Variants in PFKP observed in about 807,000 individuals in gnomAD.
PFKP encodes the protein ATP-dependent 6-phosphofructokinase, platelet type.
A neutral mutation model predicts 94.3 loss-of-function variants in PFKP; 101 were observed. That is an observed-to-expected ratio of 1.07 (90% CI 0.91 to 1.26). The LOEUF is 1.26. Ranked by LOEUF, PFKP falls within the 50% of genes most tolerant of loss-of-function variation. The pLI is 0.00. For missense variants in PFKP, 1,145 were observed against 1,103.3 expected (o/e 1.04, Z -0.53); for synonymous variants, 573 against 432.6 (o/e 1.32, Z -4.03).
At chr10:3,112,674 C>T (rs1836367482) in intron 11 of PFKP, among the ~76,000 whole-genome samples, 1 of 152,216 alleles carries the variant, frequency 6.6e-6, no homozygotes, top group Non-Finnish European at 1.5e-5. Flanking sequence ...TCTCATGTCT[C>T]AGCCTCCCAA....
chr10:3,091,621 C>T (rs144515870), intron 2 of PFKP, among the ~76,000 whole-genome samples: 107 of 152,160 alleles, frequency 7.0e-4, no homozygotes, highest in East Asian at 4.6e-3. Flanking sequence ...TAAAGACCAG[C>T]GCGGCCAACA....
chr10:3,105,645 T>C, intron 7 of PFKP, 144 bp downstream of exon 7: 1 of 655,020 alleles, frequency 1.5e-6, no homozygotes, highest in South Asian at 1.8e-5. Context: ...CTCTATGGAC[T>C]GTGAGCGTGG....
intron 2 of PFKP, among the ~76,000 whole-genome samples, chr10:3,084,483 C>T (rs1048838401): frequency 2.0e-5 from 3 of 152,094 alleles, no homozygotes; most frequent in African/African-American, 4.8e-5. Flanking sequence ...AAACTGGTTA[C>T]GTGGTTATTG....
intron 2 of PFKP, among the ~76,000 whole-genome samples, chr10:3,087,976 CTTTCA>C (rs1386394287): frequency 2.0e-5 from 2 of 97,988 alleles, no homozygotes; most frequent in Non-Finnish European, 3.9e-5. Flanking sequence ...AATCCTGTAT[CTTTCA>C]TTCTTTTTTT....
At chr10:3,126,244 G>A (rs1168255765) in intron 16 of PFKP, among the ~76,000 whole-genome samples, 3 of 152,190 alleles carry the variant, frequency 2.0e-5, no homozygotes, top group East Asian at 1.9e-4. Flanking sequence ...CTGTGAGTCC[G>A]AGCCTCAGCC....
At chr10:3,102,221 A>C (rs1455330279) in intron 4 of PFKP, among the ~76,000 whole-genome samples, 3 of 120,448 alleles carry the variant, frequency 2.5e-5, no homozygotes, top group African/African-American at 9.5e-5. Flanking sequence ...ACTGCACTCC[A>C]GCCTGGGCGA....
In PFKP at chr10:3,109,440, AC is replaced by A. The variant is rs1180097572; in HGVS notation, c.1051del (p.His351ThrfsTer7). 3 of 1,607,698 alleles carry A rather than the reference AC, an allele frequency of 1.9e-6. No homozygotes were observed. In the Admixed American group the frequency reaches 5.0e-5, roughly 27 times the overall value. On this transcript the variant is annotated frameshift_variant, in exon 10 of 22. Coordinates refer to ENST00000381125, the MANE Select transcript of PFKP (RefSeq NM_002627.5). LOFTEE classifies it high-confidence loss of function. Reference protein sequence around the residue: ...TPACVVSLNGNHAVRLPLMEC... With the variant: ...TPACVVSLNGXHAVRLPLMEC... ...GCTTGCGTCGTGTCACTGAACGGGA[AC>A]CACGCCGTGCGCCTGCCGCTGATGG...
chr10:3,129,800 ATCGCT>A lies in PFKP; in HGVS notation c.1684-16_1684-12del, dbSNP rs778941008. The A allele has an allele frequency of 3.7e-6, 6 of 1,612,488 alleles. No homozygotes were observed. Among genetic ancestry groups the A allele is most frequent in the East Asian group, 4.5e-5 (2 of 44,834 alleles). ...CCCCGGGCCTGGGCTGGAGTGACTG[ATCGCT>A]TCTCTGTGACCAGACCTGCGACCGC... On this transcript the variant is annotated splice_polypyrimidine_tract_variant and intron_variant, in intron 16 of 21. Coordinates refer to ENST00000381125, the MANE Select transcript of PFKP (RefSeq NM_002627.5).
rs1012656456 is a variant in PFKP at position 3,103,955 on chromosome 10, C to G, written c.620+11C>G. The G allele has an allele frequency of 1.2e-6, 2 of 1,612,238 alleles. No individual in the cohort carries two copies. Among genetic ancestry groups the G allele is most frequent in the Middle Eastern group, 1.7e-4 (1 of 6,060 alleles). On this transcript the variant is annotated intron_variant, in intron 5 of 21. Coordinates refer to ENST00000381125, the MANE Select transcript of PFKP (RefSeq NM_002627.5). ...GACCACGGCCCAGAGGTAAAGCGCTCAGAGGAACCGGCGGGAGGCCAGTGG... is the reference window on the plus strand; with the variant it reads ...GACCACGGCCCAGAGGTAAAGCGCTGAGAGGAACCGGCGGGAGGCCAGTGG...
chr10:3,105,428 C>A lies in PFKP; in HGVS notation c.701C>A (p.Ala234Glu), dbSNP rs1322345149. The part of the protein sequence containing the change: ...LALVSALACG[A>E]DWVFLPESPP... ...CTGGTGAGTGCCTTGGCCTGCGGTG[C>A]GGACTGGGTGTTCCTTCCAGAATCT... is the stretch of plus-strand genomic sequence containing the variant. The change falls in exon 7 of 22, where the codon GCG becomes GAG. Residue 234 changes from alanine (A) to glutamate (E), a missense_variant. Ala to Glu is a moderately radical substitution (Grantham distance 107). Transcript: ENST00000381125. 9 of 1,613,696 alleles carry A rather than the reference C, an allele frequency of 5.6e-6. No homozygotes were observed. In the Admixed American group the frequency reaches 6.7e-5, roughly 12 times the overall value.
chr10:3,094,452 A>G (rs1174557509), intron 2 of PFKP, among the ~76,000 whole-genome samples: 1 of 152,240 alleles, frequency 6.6e-6, no homozygotes, highest in Non-Finnish European at 1.5e-5. Flanking sequence ...AGGCTGCTCT[A>G]TAGAAATTTT....
intron 1 of PFKP, among the ~76,000 whole-genome samples, chr10:3,072,150 G>A (rs1457772524): frequency 6.6e-6 from 1 of 152,258 alleles, no homozygotes; most frequent in African/African-American, 2.4e-5. Context: ...CGTCCATGAA[G>A]TCCTTTAGAG....
At chr10:3,133,995 C>G (rs1400423901) in intron 19 of PFKP, among the ~76,000 whole-genome samples, 1 of 152,218 alleles carries the variant, frequency 6.6e-6, no homozygotes, top group African/African-American at 2.4e-5. Context: ...CACACAGGCA[C>G]ACACGTGTTA....
rs1298714372 is a variant in PFKP at position 3,103,900 on chromosome 10, C to T, written c.576C>T (p.His192=). The T allele has an allele frequency of 6.2e-7, 1 of 1,613,944 alleles. No homozygotes were observed. Among genetic ancestry groups the T allele is most frequent in the Non-Finnish European group, 8.5e-7 (1 of 1,180,038 alleles). The change falls in exon 5 of 22, where the codon CAC becomes CAT. Residue 192 remains histidine (H), a synonymous_variant. Transcript: ENST00000381125. ...DMTIGTDSAL[H]RIIEVVDAIM... ...CCATCGGCACGGACTCCGCCCTGCACAGGATCATCGAGGTCGTCGACGCCA... is the reference window on the plus strand; with the variant it reads ...CCATCGGCACGGACTCCGCCCTGCATAGGATCATCGAGGTCGTCGACGCCA...
At position 3,101,352 on chromosome 10, in the gene PFKP, G is replaced by T. The variant is rs760643538; in HGVS notation, c.265-13G>T. 4 of 1,567,288 alleles carry T rather than the reference G, an allele frequency of 2.6e-6. No individual in the cohort carries two copies. The highest frequency in any genetic ancestry group is 3.5e-6 in the Non-Finnish European group (4 of 1,155,690). ...AGACTGAGAGGAGATAAATTAGCTG[G>T]TGTCTTTCCCAGGGCGGGACGATCA... is the stretch of plus-strand genomic sequence containing the variant. On this transcript the variant is annotated splice_polypyrimidine_tract_variant and intron_variant, in intron 3 of 21. Transcript: ENST00000381125.
chr10:3,081,618 C>A (rs1394451413), intron 1 of PFKP, among the ~76,000 whole-genome samples: 1 of 152,228 alleles, frequency 6.6e-6, no homozygotes, highest in African/African-American at 2.4e-5. Context: ...GCAAGACAGA[C>A]CCTCCAGGCC....
At chr10:3,134,418 ATTTC>A in intron 19 of PFKP, 61 bp from the exon 20 acceptor site, 1 of 974,382 alleles carries the variant, frequency 1.0e-6, no homozygotes. Flanking sequence ...AGAAATTGTC[ATTTC>A]TATTTAACAG....
intron 10 of PFKP, 95 bp from the exon 11 acceptor site, chr10:3,112,127 G>A: frequency 1.0e-6 from 1 of 976,374 alleles, no homozygotes; most frequent in Non-Finnish European, 1.7e-6. Context: ...ACTGGAGGGG[G>A]CTGGTGGGAA....
At position 3,093,851 on chromosome 10, in the gene PFKP, G is replaced by A. The variant is rs11818602; in HGVS notation, c.187-5424G>A. Among the ~76,000 whole-genome samples, 379 of 152,196 alleles carry A rather than the reference G, an allele frequency of 2.5e-3. 4 individuals carry two copies. The highest frequency in any genetic ancestry group is 8.5e-3 in the African/African-American group (353 of 41,536). On this transcript the variant is annotated intron_variant, in intron 2 of 21. Coordinates refer to ENST00000381125, the MANE Select transcript of PFKP (RefSeq NM_002627.5). ...GTAGAGGTGGGGTTTCACCGTGTTAGCCAGGATGGTCTCCATCTCCTGACC... is the reference window on the plus strand; with the variant it reads ...GTAGAGGTGGGGTTTCACCGTGTTAACCAGGATGGTCTCCATCTCCTGACC...
Sources: gnomAD v4.1 joint callset for allele counts (sites outside exome capture counted in the v4.1 genomes callset) on GRCh38, gnomAD v4.1.1 for gene constraint, MANE v1.5 for transcripts, NCBI Gene and HGNC (gene_info 2026-07-23, HGNC 2026-07-21) for gene names.